IL34: variants seen among roughly 807,000 people sequenced by gnomAD.
IL34 encodes interleukin 34.
In IL34, 17 loss-of-function variants were observed where a neutral mutation model predicts 25.3. That is an observed-to-expected ratio of 0.67 (90% CI 0.46 to 1.01). The LOEUF (loss-of-function observed/expected upper bound fraction) is 1.01, where lower values mean the gene tolerates loss of function less well. Ranked by LOEUF, IL34 falls within the 50% of genes least tolerant of loss-of-function variation. The probability of loss-of-function intolerance (pLI) is 0.00; values close to 1 mark genes in which losing one functional copy is unlikely to be tolerated. For missense variants in IL34, 368 were observed against 312.9 expected (o/e 1.18, Z -1.33); for synonymous variants, 174 against 140.9 (o/e 1.23, Z -1.66).
intron 1 of IL34, among the ~76,000 whole-genome samples, chr16:70,622,543 G>T (rs560871296): frequency 3.5e-4 from 53 of 152,106 alleles, no homozygotes; most frequent in African/African-American, 9.2e-4. Context: ...TGGTGGAACT[G>T]CCATCAATAA....
At chr16:70,634,440 G>A (rs1005648797) in intron 1 of IL34, among the ~76,000 whole-genome samples, 8 of 151,924 alleles carry the variant, frequency 5.3e-5, no homozygotes, top group African/African-American at 1.2e-4. Context: ...AGCACTTTGC[G>A]AGGCCAAGGC....
At chr16:70,629,302 G>A (rs1238658703) in intron 1 of IL34, among the ~76,000 whole-genome samples, 2 of 152,116 alleles carry the variant, frequency 1.3e-5, no homozygotes, top group East Asian at 1.9e-4. Flanking sequence ...TCTAAGTTAT[G>A]CAAAATGCTG....
At chr16:70,603,609 G>A (rs1052511553) in intron 1 of IL34, among the ~76,000 whole-genome samples, 7 of 152,062 alleles carry the variant, frequency 4.6e-5, no homozygotes, top group Non-Finnish European at 8.8e-5. Flanking sequence ...GTCTCACTCT[G>A]TCACCCAGGC....
chr16:70,659,659 C>T lies in IL34; in HGVS notation c.444C>T (p.Leu148=). Residue 148 remains leucine, a synonymous_variant, in exon 5 of 6, where the codon CTC becomes CTT. Transcript: ENST00000288098. ...VSPKVESVLS[L]LNAPGPNLKL... ...CCAAGGTGGAATCCGTGTTGTCCCTCTTGAATGCCCCAGGGCCAAACCTGA... is the reference window on the plus strand; with the variant it reads ...CCAAGGTGGAATCCGTGTTGTCCCTTTTGAATGCCCCAGGGCCAAACCTGA... 1 of 1,613,118 alleles carries T rather than the reference C, an allele frequency of 6.2e-7. No individual in the cohort carries two copies. The highest frequency in any genetic ancestry group is 8.5e-7 in the Non-Finnish European group (1 of 1,179,570).
chr16:70,643,514 G>T (rs1296528858), upstream of IL34, among the ~76,000 whole-genome samples: 1 of 152,170 alleles, frequency 6.6e-6, no homozygotes, highest in African/African-American at 2.4e-5. Context: ...GGGACCACAG[G>T]CCCGTGCCAC....
At chr16:70,602,282 C>G (rs1305561155) in intron 1 of IL34, among the ~76,000 whole-genome samples, 1 of 152,170 alleles carries the variant, frequency 6.6e-6, no homozygotes, top group Non-Finnish European at 1.5e-5. Context: ...ACAGCAAGAG[C>G]AATCTAGATT....
At chr16:70,632,285 G>A (rs934365368) in intron 1 of IL34, among the ~76,000 whole-genome samples, 2 of 152,170 alleles carry the variant, frequency 1.3e-5, no homozygotes, top group African/African-American at 2.4e-5. Context: ...GGCCATTTCT[G>A]ACCTTCGCTG....
chr16:70,644,846 GGGAAGAGGA>G (rs774611522), upstream of IL34, among the ~76,000 whole-genome samples: 239 of 141,096 alleles, frequency 1.7e-3, 1 homozygote, highest in African/African-American at 5.6e-3. Flanking sequence ...AGAGGAAGGA[GGGAAGAGGA>G]GGAAGAGGAG....
chr16:70,630,900 G>T (rs1422691747), intron 1 of IL34, among the ~76,000 whole-genome samples: 1 of 152,072 alleles, frequency 6.6e-6, no homozygotes, highest in East Asian at 1.9e-4. Flanking sequence ...TCTGCTGATG[G>T]GCACTCAGTT....
At chr16:70,612,840 C>T (rs2051110910) in intron 1 of IL34, among the ~76,000 whole-genome samples, 1 of 152,170 alleles carries the variant, frequency 6.6e-6, no homozygotes, top group Non-Finnish European at 1.5e-5. Flanking sequence ...GGGTGGAGTC[C>T]AGTGGTACAA....
chr16:70,636,929 G>T (rs1216678317), intron 1 of IL34, among the ~76,000 whole-genome samples: 1 of 151,594 alleles, frequency 6.6e-6, no homozygotes, highest in Admixed American at 6.6e-5. Flanking sequence ...GCCCAGGTTG[G>T]AGTACAGTGG....
intron 1 of IL34, among the ~76,000 whole-genome samples, chr16:70,613,196 T>C (rs1248293829): frequency 6.6e-6 from 1 of 152,218 alleles, no homozygotes; most frequent in East Asian, 1.9e-4. Context: ...GAGAAGTGTA[T>C]TTTTGCAGAG....
intron 1 of IL34, among the ~76,000 whole-genome samples, chr16:70,622,521 G>T (rs975455443): frequency 5.3e-5 from 8 of 151,974 alleles, no homozygotes; most frequent in Admixed American, 3.3e-4. Flanking sequence ...GCTGGTGTGT[G>T]GCGATTAGGC....
intron 1 of IL34, among the ~76,000 whole-genome samples, chr16:70,631,919 G>A (rs1409925653): frequency 7.2e-6 from 1 of 139,446 alleles, no homozygotes; most frequent in Admixed American, 7.0e-5. Context: ...GCAAAACCCT[G>A]TCTCTACAAA....
intron 1 of IL34, among the ~76,000 whole-genome samples, chr16:70,651,018 G>A (rs1405984814): frequency 6.6e-6 from 1 of 152,102 alleles, no homozygotes; most frequent in Non-Finnish European, 1.5e-5. Flanking sequence ...AGACCAGCCT[G>A]GCCAACCTGG....
At chr16:70,588,557 A>G (rs2050719138) in intron 1 of IL34, among the ~76,000 whole-genome samples, 1 of 152,200 alleles carries the variant, frequency 6.6e-6, no homozygotes, top group African/African-American at 2.4e-5. Flanking sequence ...TTCTGGATAT[A>G]TACCAAAAAG....
At chr16:70,581,875 G>A (rs1338222298) in intron 1 of IL34, among the ~76,000 whole-genome samples, 1 of 152,148 alleles carries the variant, frequency 6.6e-6, no homozygotes, top group East Asian at 1.9e-4. Context: ...TTGAGCCTGG[G>A]ATTTCGAGAC....
At chr16:70,625,498 A>G (rs1263195780) in intron 1 of IL34, among the ~76,000 whole-genome samples, 2 of 152,060 alleles carry the variant, frequency 1.3e-5, no homozygotes, top group East Asian at 3.9e-4. Context: ...AAAGCAGAGA[A>G]GGGGTAGAGA....
At chr16:70,633,090 T>C (rs1171115201) in intron 1 of IL34, among the ~76,000 whole-genome samples, 2 of 151,930 alleles carry the variant, frequency 1.3e-5, no homozygotes, top group African/African-American at 4.8e-5. Context: ...TTAGCCTCCT[T>C]AGCAGCTGAG....
Sources: allele counts gnomAD v4.1 joint callset (sites outside exome capture counted in the v4.1 genomes callset), GRCh38; gene constraint gnomAD v4.1.1; transcripts MANE v1.5; gene names NCBI Gene and HGNC (gene_info 2026-07-23, HGNC 2026-07-21).